Variants in KCNQ3 observed in about 807,000 individuals in gnomAD.
KCNQ3 encodes potassium voltage-gated channel subfamily Q member 3.
A neutral mutation model predicts 92.5 loss-of-function variants in KCNQ3; 30 were observed. The observed-to-expected ratio is 0.32, with a 90% CI of 0.24 to 0.44. The LOEUF is 0.44. KCNQ3 is among the 20% of genes least tolerant of loss of function. KCNQ3 has a pLI of 1.00. For synonymous variants in KCNQ3, 450 were observed against 468.8 expected (o/e 0.96, Z 0.52); for missense variants, 913 against 1,140.3 (o/e 0.80, Z 2.87).
intron 1 of KCNQ3, among the ~76,000 whole-genome samples, chr8:132,263,916 G>C (rs560753377): frequency 6.6e-6 from 1 of 152,266 alleles, no homozygotes; most frequent in East Asian, 1.9e-4. Flanking sequence ...GTCTCACCCT[G>C]TGACCCCAGC....
At chr8:132,399,684 C>T (rs914557377) in intron 1 of KCNQ3, among the ~76,000 whole-genome samples, 5 of 152,170 alleles carry the variant, frequency 3.3e-5, no homozygotes, top group East Asian at 1.9e-4. Flanking sequence ...TCGCAATACA[C>T]GCTCACACAT....
chr8:132,238,191 C>T lies in KCNQ3; in HGVS notation c.387-52010G>A, dbSNP rs780446399. Among the ~76,000 whole-genome samples the T allele has an allele frequency of 6.0e-4, 91 of 152,006 alleles. 2 individuals are homozygous for T. Among genetic ancestry groups the T allele is most frequent in the Non-Finnish European group, 1.3e-4 (9 of 67,998 alleles). Reference sequence around the variant, plus strand: ...TTAGGGAAGCTAAGAACAGACTCGGCGGAGGGGGTATGCTTGCAGCTGCAG... The same window carrying T: ...TTAGGGAAGCTAAGAACAGACTCGGTGGAGGGGGTATGCTTGCAGCTGCAG... On this transcript the variant is annotated intron_variant, in intron 1 of 14. Transcript: ENST00000388996.
intron 1 of KCNQ3, among the ~76,000 whole-genome samples, chr8:132,277,796 T>G (rs1816385197): frequency 6.6e-6 from 1 of 152,096 alleles, no homozygotes; most frequent in South Asian, 2.1e-4. Flanking sequence ...TTCAATACCT[T>G]TCAGAGAGCC....
At chr8:132,465,214 G>A (rs1402966289) in intron 1 of KCNQ3, among the ~76,000 whole-genome samples, 1 of 152,080 alleles carries the variant, frequency 6.6e-6, no homozygotes, top group Admixed American at 6.6e-5. Flanking sequence ...AAGAGCAACT[G>A]GAATATCTAA....
chr8:132,210,779 G>T (rs1813827226), intron 1 of KCNQ3, among the ~76,000 whole-genome samples: 1 of 152,210 alleles, frequency 6.6e-6, no homozygotes, highest in Admixed American at 6.5e-5. Context: ...TAGCAAGATG[G>T]TGCTGTACTT....
intron 1 of KCNQ3, among the ~76,000 whole-genome samples, chr8:132,203,296 G>C (rs1274630070): frequency 6.6e-6 from 1 of 152,106 alleles, no homozygotes; most frequent in Non-Finnish European, 1.5e-5. Context: ...CGAACTGTGT[G>C]TTACTTTAGG....
chr8:132,144,747 G>T (rs944900672), intron 9 of KCNQ3, among the ~76,000 whole-genome samples: 1 of 152,078 alleles, frequency 6.6e-6, no homozygotes, highest in African/African-American at 2.4e-5. Flanking sequence ...CTGTGAACTC[G>T]ACCTGGGAAA....
At chr8:132,164,719 C>CAGCTGAAG (rs1826092662) in intron 8 of KCNQ3, among the ~76,000 whole-genome samples, 4 of 152,118 alleles carry the variant, frequency 2.6e-5, no homozygotes, top group Admixed American at 2.0e-4. Flanking sequence ...GGCAAGGGGG[C>CAGCTGAAG]AGCTGAAGAG....
chr8:132,398,826 G>T (rs146512194), intron 1 of KCNQ3, among the ~76,000 whole-genome samples: 60 of 152,270 alleles, frequency 3.9e-4, no homozygotes, highest in Middle Eastern at 6.8e-3. Flanking sequence ...GGATTGAATG[G>T]GCTTTCCCAG....
At position 132,224,081 on chromosome 8, in the gene KCNQ3, A is replaced by ATTTTTTTTTTTTTTTTTTTTTTTTTTTTT. The variant is rs1164773143; in HGVS notation, c.387-37901_387-37900insAAAAAAAAAAAAAAAAAAAAAAAAAAAAA. 7.6e-5 allele frequency among the ~76,000 whole-genome samples: 3 copies of ATTTTTTTTTTTTTTTTTTTTTTTTTTTTT among 39,460 alleles called. 1 individual carries two copies. Among genetic ancestry groups the ATTTTTTTTTTTTTTTTTTTTTTTTTTTTT allele is most frequent in the Admixed American group, 6.7e-4 (2 of 2,982 alleles). 25.9% of individuals were successfully genotyped at this position (39,460 alleles called of 152,430 possible). A position where few individuals can be genotyped will look rare whatever the true frequency, so the allele number is the denominator to read the frequency against. On this transcript the variant is annotated intron_variant, in intron 1 of 14. Coordinates refer to ENST00000388996, the MANE Select transcript of KCNQ3 (RefSeq NM_004519.4). ...CAGACACACACCATCATGCCAGGCT[A>ATTTTTTTTTTTTTTTTTTTTTTTTTTTTT]TTTTTTTTTTTTTTTTTTTTTTTTT...
At chr8:132,266,283 A>T (rs1270299496) in intron 1 of KCNQ3, among the ~76,000 whole-genome samples, 1 of 152,202 alleles carries the variant, frequency 6.6e-6, no homozygotes, top group African/African-American at 2.4e-5. Flanking sequence ...ATGATGGAAG[A>T]CTAATAGTCT....
intron 1 of KCNQ3, chr8:132,187,206 T>C: frequency 6.6e-6 from 3 of 455,956 alleles, no homozygotes; most frequent in Non-Finnish European, 1.3e-5. Flanking sequence ...CCCATGCTTT[T>C]TTGGCTTTTG....
At chr8:132,131,695 G>T (rs1253616567) in intron 14 of KCNQ3, among the ~76,000 whole-genome samples, 1 of 152,142 alleles carries the variant, frequency 6.6e-6, no homozygotes, top group Admixed American at 6.5e-5. Flanking sequence ...TAATTAACTT[G>T]CACGTGATCA....
At chr8:132,403,160 T>C (rs1057168480) in intron 1 of KCNQ3, among the ~76,000 whole-genome samples, 6 of 152,052 alleles carry the variant, frequency 3.9e-5, no homozygotes, top group Non-Finnish European at 8.8e-5. Context: ...TGCTCAATTT[T>C]TCTGGGAAAC....
chr8:132,373,290 C>A (rs1819524593), intron 1 of KCNQ3, among the ~76,000 whole-genome samples: 2 of 152,176 alleles, frequency 1.3e-5, no homozygotes, highest in South Asian at 4.2e-4. Context: ...CTCTGGGACT[C>A]CATATATTTA....
At chr8:132,251,419 G>A (rs1021844482) in intron 1 of KCNQ3, among the ~76,000 whole-genome samples, 27 of 152,230 alleles carry the variant, frequency 1.8e-4, no homozygotes, top group Non-Finnish European at 3.2e-4. Context: ...TGCTGTGGAA[G>A]ATACTACTCC....
At chr8:132,224,844 T>A (rs1048968658) in intron 1 of KCNQ3, among the ~76,000 whole-genome samples, 2 of 152,202 alleles carry the variant, frequency 1.3e-5, no homozygotes, top group Non-Finnish European at 2.9e-5. Flanking sequence ...ATAATGGTTA[T>A]TCAACTAATT....
chr8:132,328,652 T>C (rs1214432268), intron 1 of KCNQ3, among the ~76,000 whole-genome samples: 1 of 152,096 alleles, frequency 6.6e-6, no homozygotes, highest in East Asian at 1.9e-4. Context: ...CTACAATGAG[T>C]ATATAGAACA....
At chr8:132,270,183 AGAAAAGTTTAACTT>A (rs1297627628) in intron 1 of KCNQ3, among the ~76,000 whole-genome samples, 3 of 152,324 alleles carry the variant, frequency 2.0e-5, no homozygotes, top group African/African-American at 7.2e-5. Context: ...AAGTAATCAA[AGAAAAGTTTAACTT>A]GATGCTGCGA....
Sources: gnomAD v4.1 joint callset for allele counts (sites outside exome capture counted in the v4.1 genomes callset) on GRCh38, gnomAD v4.1.1 for gene constraint, MANE v1.5 for transcripts, NCBI Gene and HGNC (gene_info 2026-07-23, HGNC 2026-07-21) for gene names.